BLTP3B: variants seen among roughly 807,000 people sequenced by gnomAD.
BLTP3B encodes bridge-like lipid transfer protein family member 3B, also known as UHRF1 (ICBP90) binding protein 1-like.
At chr12:100,133,257 T>G in the BLTP3B span, among the ~76,000 whole-genome samples, 1 of 151,888 alleles carries the variant, frequency 6.6e-6, no homozygotes, top group Admixed American at 6.6e-5. Flanking sequence ...AATAAATAAA[T>G]AAATAAACAA....
At chr12:100,074,294 A>G in the BLTP3B span, among the ~76,000 whole-genome samples, 1 of 152,122 alleles carries the variant, frequency 6.6e-6, no homozygotes, top group Non-Finnish European at 1.5e-5. Flanking sequence ...TAACCAAAAG[A>G]TAAAAGATCT....
At chr12:100,081,292 C>A in the BLTP3B span, among the ~76,000 whole-genome samples, 1 of 152,284 alleles carries the variant, frequency 6.6e-6, no homozygotes, top group Admixed American at 6.5e-5. Flanking sequence ...AATGTGACTA[C>A]AATGGATGTG....
At chr12:100,097,691 T>C in the BLTP3B span, among the ~76,000 whole-genome samples, 2 of 152,228 alleles carry the variant, frequency 1.3e-5, no homozygotes, top group Admixed American at 1.3e-4. Flanking sequence ...CCTCTTCATA[T>C]TCATATTCAT....
At chr12:100,113,575 GTTGTT>G in the BLTP3B span, among the ~76,000 whole-genome samples, 1 of 152,180 alleles carries the variant, frequency 6.6e-6, no homozygotes, top group East Asian at 1.9e-4. Context: ...GCCTCACAGA[GTTGTT>G]TTAAGGATTA....
At chr12:100,051,286 GC>G in the BLTP3B span, 1 of 1,432,434 alleles carries the variant, frequency 7.0e-7, no homozygotes, top group Non-Finnish European at 9.3e-7. Context: ...AACACTGTAT[GC>G]TTATTTAACA....
At chr12:100,101,606 G>C in the BLTP3B span, among the ~76,000 whole-genome samples, 1 of 152,116 alleles carries the variant, frequency 6.6e-6, no homozygotes, top group African/African-American at 2.4e-5. Flanking sequence ...ATTTCACTGA[G>C]TGCAAAAAAG....
the BLTP3B span, among the ~76,000 whole-genome samples, chr12:100,041,500 A>C: frequency 1.6e-4 from 23 of 141,590 alleles, no homozygotes; most frequent in East Asian, 4.7e-3. Flanking sequence ...GCGGTGGCAC[A>C]ATCTCGGCTC....
At chr12:100,082,896 T>C in the BLTP3B span, 10 of 685,514 alleles carry the variant, frequency 1.5e-5, no homozygotes, top group African/African-American at 5.4e-5. Context: ...CCATCTAATA[T>C]GGCCATTTCA....
At chr12:100,040,546 T>C in the BLTP3B span, among the ~76,000 whole-genome samples, 2 of 152,098 alleles carry the variant, frequency 1.3e-5, no homozygotes, top group African/African-American at 4.8e-5. Context: ...CCAGGCATGA[T>C]GGTGCACACC....
chr12:100,130,785 A>G, the BLTP3B span, among the ~76,000 whole-genome samples: 42,816 of 151,920 alleles, frequency 0.28, 8,838 homozygotes, highest in African/African-American at 0.58. Flanking sequence ...CTGGCTGGGC[A>G]TGGTGGCAAG....
At chr12:100,114,541 T>TG in the BLTP3B span, among the ~76,000 whole-genome samples, 1 of 152,242 alleles carries the variant, frequency 6.6e-6, no homozygotes, top group African/African-American at 2.4e-5. Context: ...CATTATCATA[T>TG]GAAGAGTTTT....
At chr12:100,103,719 T>C in the BLTP3B span, among the ~76,000 whole-genome samples, 4 of 152,162 alleles carry the variant, frequency 2.6e-5, no homozygotes, top group African/African-American at 9.7e-5. Context: ...TGAAAAACTT[T>C]AAAGATGCTC....
the BLTP3B span, among the ~76,000 whole-genome samples, chr12:100,090,973 C>T: frequency 0.01 from 1,505 of 150,158 alleles, 11 homozygotes; most frequent in Middle Eastern, 0.028. Context: ...TTTTGGGATG[C>T]TATTTCTGGA....
the BLTP3B span, among the ~76,000 whole-genome samples, chr12:100,061,979 A>T: frequency 6.6e-6 from 1 of 152,218 alleles, no homozygotes; most frequent in African/African-American, 2.4e-5. Context: ...CGGTAAAATG[A>T]GTTCACTGGG....
At chr12:100,104,205 T>C in the BLTP3B span, among the ~76,000 whole-genome samples, 934 of 131,970 alleles carry the variant, frequency 7.1e-3, 10 homozygotes, top group African/African-American at 0.026. Context: ...TCTTTTTTTC[T>C]TTTTTTTTTT....
the BLTP3B span, among the ~76,000 whole-genome samples, chr12:100,055,572 G>A: frequency 6.6e-6 from 1 of 151,396 alleles, no homozygotes; most frequent in South Asian, 2.1e-4. Context: ...AGCTACTCGG[G>A]AGGCTGAGGC....
chr12:100,039,247 C>T, the BLTP3B span, among the ~76,000 whole-genome samples: 1 of 150,218 alleles, frequency 6.7e-6, no homozygotes, highest in Non-Finnish European at 1.5e-5. Context: ...AACCATATTA[C>T]TAAGCCATTA....
At chr12:100,089,779 A>C in the BLTP3B span, among the ~76,000 whole-genome samples, 1 of 152,178 alleles carries the variant, frequency 6.6e-6, no homozygotes, top group Non-Finnish European at 1.5e-5. Flanking sequence ...ACTGTTATAT[A>C]TCTGATATGG....
At chr12:100,112,665 C>T in the BLTP3B span, among the ~76,000 whole-genome samples, 1 of 151,698 alleles carries the variant, frequency 6.6e-6, no homozygotes, top group African/African-American at 2.4e-5. Context: ...AAGGGCAAAA[C>T]AAAACAAAAC....
Sources: gnomAD v4.1 joint callset for allele counts (sites outside exome capture counted in the v4.1 genomes callset) on GRCh38, gnomAD v4.1.1 for gene constraint, MANE v1.5 for transcripts, NCBI Gene and HGNC (gene_info 2026-07-23, HGNC 2026-07-21) for gene names.